The following DLGAP2 variants were observed in gnomAD, a reference collection of about 807,000 sequenced individuals.
DLGAP2 encodes the protein disks large-associated protein 2.
A neutral mutation model predicts 100.3 loss-of-function variants in DLGAP2; 26 were observed. The observed-to-expected ratio is 0.26, with a 90% confidence interval of 0.19 to 0.36. The LOEUF (loss-of-function observed/expected upper bound fraction) is 0.36, where lower values mean the gene tolerates loss of function less well. Among genes scored for constraint, DLGAP2 ranks in the 10% least tolerant of loss-of-function variants. DLGAP2 has a pLI of 1.00. For synonymous variants in DLGAP2, 886 were observed against 630.1 expected, an observed-to-expected ratio of 1.41 and a Z score of -6.08; for missense variants, 1,858 against 1,453.2, an observed-to-expected ratio of 1.28 and a Z score of -4.53.
chr8:1,158,756 A>C (rs930139875), intron 2 of DLGAP2, among the ~76,000 whole-genome samples: 1 of 152,216 alleles, frequency 6.6e-6, no homozygotes, highest in African/African-American at 2.4e-5. Flanking sequence ...TCCGAGTCAC[A>C]CAGACCCCTT....
intron 2 of DLGAP2, among the ~76,000 whole-genome samples, chr8:1,081,154 C>T (rs565161563): frequency 7.2e-5 from 11 of 152,180 alleles, no homozygotes; most frequent in African/African-American, 2.6e-4. Flanking sequence ...ACTGTTTTCT[C>T]GTTTCTGAAA....
intron 3 of DLGAP2, among the ~76,000 whole-genome samples, chr8:1,346,951 C>G (rs1276561870): frequency 2.7e-3 from 214 of 80,538 alleles, no homozygotes; most frequent in East Asian, 4.9e-3. Context: ...CATGGTAGCT[C>G]TGTGGAAGTT....
chr8:911,078 G>A (rs1472607149), intron 2 of DLGAP2, among the ~76,000 whole-genome samples: 8 of 152,070 alleles, frequency 5.3e-5, no homozygotes, highest in East Asian at 3.9e-4. Context: ...ATGACGAGTC[G>A]CTGTTTTCTG....
chr8:922,686 C>T (rs1170220156), intron 2 of DLGAP2, among the ~76,000 whole-genome samples: 2 of 152,158 alleles, frequency 1.3e-5, no homozygotes, highest in African/African-American at 4.8e-5. Flanking sequence ...AATACCCTCC[C>T]TTTAAACAGA....
At chr8:1,191,571 C>A (rs1365917936) in intron 2 of DLGAP2, among the ~76,000 whole-genome samples, 1 of 152,188 alleles carries the variant, frequency 6.6e-6, no homozygotes, top group Non-Finnish European at 1.5e-5. Flanking sequence ...TGAAAATCCG[C>A]CCTCTGCACT....
intron 1 of DLGAP2, among the ~76,000 whole-genome samples, chr8:802,319 G>C (rs1234531758): frequency 1.3e-5 from 2 of 152,244 alleles, no homozygotes; most frequent in African/African-American, 4.8e-5. Context: ...ATCACGGCCT[G>C]GGGAATAGTC....
At chr8:1,199,337 C>A (rs901931681) in intron 2 of DLGAP2, among the ~76,000 whole-genome samples, 1 of 152,166 alleles carries the variant, frequency 6.6e-6, no homozygotes, top group African/African-American at 2.4e-5. Context: ...TCTCTTTTGG[C>A]TATTAATCTA....
chr8:1,244,100 C>T (rs1256037349), intron 2 of DLGAP2, among the ~76,000 whole-genome samples: 1 of 152,186 alleles, frequency 6.6e-6, no homozygotes, highest in Non-Finnish European at 1.5e-5. Context: ...CTCTGCATTC[C>T]ACCGTAGGGA....
chr8:786,661 C>G (rs1031440843), intron 1 of DLGAP2, among the ~76,000 whole-genome samples: 7 of 151,732 alleles, frequency 4.6e-5, no homozygotes, highest in Admixed American at 6.6e-5. Flanking sequence ...CAGAGACCTC[C>G]GGGGAGGGGC....
chr8:1,561,297 G>A (rs1373581401), intron 5 of DLGAP2, among the ~76,000 whole-genome samples: 1 of 152,082 alleles, frequency 6.6e-6, no homozygotes, highest in Non-Finnish European at 1.5e-5. Context: ...TGTGAGAAGA[G>A]ATGCATACAA....
chr8:1,449,340 G>A (rs1469222258), intron 3 of DLGAP2, among the ~76,000 whole-genome samples: 2 of 152,222 alleles, frequency 1.3e-5, no homozygotes, highest in African/African-American at 4.8e-5. Context: ...GGCATGGGCA[G>A]GCATGCTTAG....
intron 1 of DLGAP2, among the ~76,000 whole-genome samples, chr8:813,513 G>C (rs947071153): frequency 6.6e-6 from 1 of 152,164 alleles, no homozygotes; most frequent in African/African-American, 2.4e-5. Context: ...CCCTTGAGGT[G>C]TGCGTGTCTT....
At chr8:1,012,904 C>T (rs1282376874) in intron 2 of DLGAP2, among the ~76,000 whole-genome samples, 2 of 152,100 alleles carry the variant, frequency 1.3e-5, no homozygotes, top group African/African-American at 4.8e-5. Flanking sequence ...GTGTCGTGTG[C>T]CTGGCGATTG....
intron 13 of DLGAP2, among the ~76,000 whole-genome samples, chr8:1,693,408 G>A (rs1799303420): frequency 6.6e-6 from 1 of 151,564 alleles, no homozygotes; most frequent in South Asian, 2.1e-4. Flanking sequence ...TTCCTTGGCT[G>A]ACTAAAGTAT....
intron 6 of DLGAP2, among the ~76,000 whole-genome samples, chr8:1,573,285 T>C (rs1430866631): frequency 6.3e-5 from 5 of 79,634 alleles, no homozygotes; most frequent in African/African-American, 1.6e-4. Flanking sequence ...ACTGTGGGGG[T>C]GTCTGATGAG....
At chr8:1,170,330 TG>T (rs1335408823) in intron 2 of DLGAP2, among the ~76,000 whole-genome samples, 4 of 151,966 alleles carry the variant, frequency 2.6e-5, no homozygotes, top group Admixed American at 6.6e-5. Flanking sequence ...TCAAGGATAT[TG>T]GTCTAAAATT....
chr8:902,999 G>T (rs1383958573), intron 1 of DLGAP2, among the ~76,000 whole-genome samples: 1 of 106,750 alleles, frequency 9.4e-6, no homozygotes, highest in East Asian at 2.8e-4. Flanking sequence ...GGGGCGGAAA[G>T]TGTGTGGGTG....
intron 6 of DLGAP2, chr8:1,604,421 C>A (rs1316724499): frequency 3.9e-5 from 6 of 152,084 alleles, no homozygotes; most frequent in African/African-American, 1.4e-4. Context: ...GTGGTCTGGC[C>A]CATAGACCAC....
At chr8:1,071,809 A>G (rs1803438088) in intron 2 of DLGAP2, among the ~76,000 whole-genome samples, 2 of 152,208 alleles carry the variant, frequency 1.3e-5, no homozygotes, top group African/African-American at 4.8e-5. Context: ...TAAAAGAAAT[A>G]TACTTAATCA....
Sources: gnomAD v4.1 joint callset for allele counts (sites outside exome capture counted in the v4.1 genomes callset) on GRCh38, gnomAD v4.1.1 for gene constraint, MANE v1.5 for transcripts, NCBI Gene and HGNC (gene_info 2026-07-23, HGNC 2026-07-21) for gene names.